RASEF: variants seen among roughly 807,000 people sequenced by gnomAD.
The protein encoded by RASEF is ras and EF-hand domain-containing protein.
Under a neutral mutation model 90.1 loss-of-function variants are expected in RASEF, and 68 were observed. That is an observed-to-expected ratio of 0.75 (90% CI 0.62 to 0.92). The LOEUF (loss-of-function observed/expected upper bound fraction) is 0.92, where lower values mean the gene tolerates loss of function less well. RASEF is among the 40% of genes least tolerant of loss of function. The probability of loss-of-function intolerance (pLI) is 0.00; values close to 1 mark genes in which losing one functional copy is unlikely to be tolerated. For missense variants in RASEF, 949 were observed against 937.2 expected (o/e 1.01, Z -0.16); for synonymous variants, 331 against 345.2 (o/e 0.96, Z 0.46).
At chr9:83,190,583 T>C in the RASEF span, among the ~76,000 whole-genome samples, 1 of 152,244 alleles carries the variant, frequency 6.6e-6, no homozygotes, top group Admixed American at 6.5e-5. Context: ...AAAGCTGTGC[T>C]TTTTATCTTG....
At chr9:83,161,849 A>T in the RASEF span, among the ~76,000 whole-genome samples, 1 of 152,012 alleles carries the variant, frequency 6.6e-6, no homozygotes, top group Non-Finnish European at 1.5e-5. Flanking sequence ...GAGATCTGAT[A>T]GTTTTAAAAA....
At chr9:83,095,370 G>T in the RASEF span, among the ~76,000 whole-genome samples, 1 of 151,176 alleles carries the variant, frequency 6.6e-6, no homozygotes, top group African/African-American at 2.4e-5. Context: ...TCACCCCTAT[G>T]GCAGCAGGAA....
chr9:82,988,250 G>A (rs942088942), intron 16 of RASEF, among the ~76,000 whole-genome samples: 1 of 152,186 alleles, frequency 6.6e-6, no homozygotes, highest in Non-Finnish European at 1.5e-5. Flanking sequence ...AGCCAAAATA[G>A]CTGGTGTTCC....
chr9:83,147,040 G>A, the RASEF span, among the ~76,000 whole-genome samples: 8,546 of 140,750 alleles, frequency 0.061, 314 homozygotes, highest in East Asian at 0.089. Context: ...ATATATATAT[G>A]TATATATATA....
At chr9:83,165,988 T>C in the RASEF span, among the ~76,000 whole-genome samples, 82 of 152,294 alleles carry the variant, frequency 5.4e-4, no homozygotes, top group African/African-American at 1.8e-3. Context: ...AATAGTCTTA[T>C]ACTTATTAAA....
the RASEF span, among the ~76,000 whole-genome samples, chr9:83,127,618 CA>C: frequency 6.6e-6 from 1 of 152,064 alleles, no homozygotes; most frequent in Non-Finnish European, 1.5e-5. Context: ...GGAACAAAAA[CA>C]AAACAAGAGA....
chr9:83,122,382 G>T, the RASEF span, among the ~76,000 whole-genome samples: 7 of 152,216 alleles, frequency 4.6e-5, no homozygotes, highest in Non-Finnish European at 1.0e-4. Flanking sequence ...AATGGGTGAG[G>T]CAGTGAGAGA....
the RASEF span, among the ~76,000 whole-genome samples, chr9:83,082,667 A>T: frequency 6.6e-6 from 1 of 152,342 alleles, no homozygotes; most frequent in East Asian, 1.9e-4. Context: ...AACAGGGTTT[A>T]AACACAGACA....
rs930777261 is a variant in RASEF at position 82,980,570 on chromosome 9, A to T, written c.*2107T>A. On this transcript the variant is annotated 3_prime_UTR_variant, in exon 17 of 17. Coordinates refer to ENST00000376447, the MANE Select transcript of RASEF (RefSeq NM_152573.4). ...ATACTCTTTCACAGATTGTAAAACA[A>T]ATATAAAGAGACACTTTGGAGAGAA... is the stretch of plus-strand genomic sequence containing the variant. 6.6e-6 allele frequency: 1 copy of T among 152,236 alleles called. No individual in the cohort carries two copies. The highest frequency in any genetic ancestry group is 1.5e-5 in the Non-Finnish European group (1 of 68,050). 9.4% of individuals were successfully genotyped at this position (152,236 alleles called of 1,614,324 possible).
At chr9:83,009,247 A>C (rs918333555) in intron 6 of RASEF, among the ~76,000 whole-genome samples, 2 of 151,960 alleles carry the variant, frequency 1.3e-5, no homozygotes, top group African/African-American at 2.4e-5. Flanking sequence ...ATTAGGTTTT[A>C]TGGTATTAAC....
At chr9:82,989,225 T>C (rs1387883471) in intron 16 of RASEF, among the ~76,000 whole-genome samples, 1 of 151,902 alleles carries the variant, frequency 6.6e-6, no homozygotes, top group Non-Finnish European at 1.5e-5. Flanking sequence ...TGTGTGCATG[T>C]GTGCGTGTGT....
At position 83,063,022 on chromosome 9, in the gene RASEF, G is replaced by C; in HGVS notation, c.-155C>G. On this transcript the variant is annotated 5_prime_UTR_variant, in exon 1 of 17. Coordinates refer to ENST00000376447, the MANE Select transcript of RASEF (RefSeq NM_152573.4). ...TTGAGGGAACGTCGGGCGGGGCGAG[G>C]AACGTCGGGGGTGGCCGAGCGGCTC... The C allele has an allele frequency of 1.3e-6, 1 of 781,742 alleles. No individual in the cohort carries two copies. Among genetic ancestry groups the C allele is most frequent in the Admixed American group, 4.2e-5 (1 of 23,670 alleles). 48.4% of individuals were successfully genotyped at this position (781,742 alleles called of 1,614,324 possible). A position where few individuals can be genotyped will look rare whatever the true frequency, so the allele number is the denominator to read the frequency against.
the RASEF span, among the ~76,000 whole-genome samples, chr9:83,138,930 T>C: frequency 3.3e-5 from 5 of 152,122 alleles, no homozygotes; most frequent in African/African-American, 9.7e-5. Context: ...CCACGAGTAT[T>C]TGAACATGAA....
At chr9:83,118,965 A>T in the RASEF span, among the ~76,000 whole-genome samples, 1 of 152,018 alleles carries the variant, frequency 6.6e-6, no homozygotes, top group Non-Finnish European at 1.5e-5. Flanking sequence ...AGCAGTAAAA[A>T]ATCTTTGTAA....
the RASEF span, among the ~76,000 whole-genome samples, chr9:83,161,065 T>C: frequency 9.3e-4 from 142 of 152,236 alleles, no homozygotes; most frequent in African/African-American, 3.2e-3. Flanking sequence ...AGAACCTCTG[T>C]CAGGGGAGTG....
chr9:83,122,124 T>G, the RASEF span, among the ~76,000 whole-genome samples: 1 of 152,180 alleles, frequency 6.6e-6, no homozygotes, highest in Admixed American at 6.5e-5. Context: ...TGAGGTGCCT[T>G]GTGGCTCCTT....
chr9:83,042,840 T>C (rs1219944666), intron 1 of RASEF, among the ~76,000 whole-genome samples: 3 of 152,228 alleles, frequency 2.0e-5, no homozygotes, highest in Admixed American at 2.0e-4. Context: ...TCTGATAATT[T>C]GTTTTCCAAA....
At chr9:83,157,042 G>A in the RASEF span, among the ~76,000 whole-genome samples, 1 of 152,198 alleles carries the variant, frequency 6.6e-6, no homozygotes, top group Non-Finnish European at 1.5e-5. Flanking sequence ...CCTAGATACA[G>A]GAGATGGCTA....
In RASEF at chr9:82,982,662, A is replaced by C; in HGVS notation, c.*15T>G. 1 of 1,418,790 alleles carries C rather than the reference A, an allele frequency of 7.0e-7. No individual in the cohort carries two copies. The highest frequency in any genetic ancestry group is 1.7e-5 in the Admixed American group (1 of 59,784). The allele number at this position is 1,418,790 out of a possible 1,614,324, so 87.9% of individuals were successfully genotyped here. ...TCTGGAAATGAAGACTTCACAGGCC[A>C]AGGATGTTTGGGATTTAGCCATTGC... is the stretch of plus-strand genomic sequence containing the variant. On this transcript the variant is annotated 3_prime_UTR_variant, in exon 17 of 17. Coordinates refer to ENST00000376447, the MANE Select transcript of RASEF (RefSeq NM_152573.4).
Sources: gnomAD v4.1 joint callset for allele counts (sites outside exome capture counted in the v4.1 genomes callset) on GRCh38, gnomAD v4.1.1 for gene constraint, MANE v1.5 for transcripts, NCBI Gene and HGNC (gene_info 2026-07-23, HGNC 2026-07-21) for gene names.